RBFOX1: variants seen among roughly 807,000 people sequenced by gnomAD.
RBFOX1 encodes RNA binding fox-1 homolog 1, also known as RNA binding protein fox-1 homolog 1.
In RBFOX1, 8 loss-of-function variants were observed where a neutral mutation model predicts 57.7. The ratio of observed to expected loss-of-function variants is 0.14; its 90% confidence interval spans 0.08 to 0.25. RBFOX1 has a LOEUF of 0.25. Ranked by LOEUF, RBFOX1 falls within the 10% of genes least tolerant of loss-of-function variation. The pLI is 1.00. For missense variants in RBFOX1, 611 were observed against 548.5 expected, an observed-to-expected ratio of 1.11 and a Z score of -1.14; for synonymous variants, 326 against 222.4, an observed-to-expected ratio of 1.47 and a Z score of -4.15.
At chr16:5,626,292 T>A (rs546550216) in intron 3 of RBFOX1, among the ~76,000 whole-genome samples, 8 of 152,192 alleles carry the variant, frequency 5.3e-5, no homozygotes, top group Admixed American at 3.3e-4. Context: ...TTCTGCAGCC[T>A]CCCTCCTTGG....
chr16:5,820,691 G>A lies in RBFOX1; in HGVS notation c.319-46612G>A, dbSNP rs547745019. Among the ~76,000 whole-genome samples the A allele has an allele frequency of 2.5e-3, 382 of 152,250 alleles. 2 individuals carry two copies. Among genetic ancestry groups the A allele is most frequent in the African/African-American group, 8.8e-3 (367 of 41,546 alleles). On this transcript the variant is annotated intron_variant, in intron 3 of 19. Coordinates refer to the RBFOX1 transcript ENST00000641259. ...CTGAAGTGCGTCACAGCGTTACCCT[G>A]AATTGTTGGGACGCGACTCCAGCAG...
intron 4 of RBFOX1, among the ~76,000 whole-genome samples, chr16:7,085,115 T>TG (rs1567200736): frequency 7.3e-5 from 11 of 150,938 alleles, no homozygotes; most frequent in African/African-American, 2.7e-4. Context: ...GTGTGTGTGT[T>TG]TGTGTGTGTA....
At chr16:6,277,918 G>A (rs758029618) in intron 1 of RBFOX1, among the ~76,000 whole-genome samples, 2 of 152,138 alleles carry the variant, frequency 1.3e-5, no homozygotes, top group Non-Finnish European at 2.9e-5. Context: ...CCTCGTGTAA[G>A]CTGTCTTTCA....
At chr16:7,646,026 T>C (rs1003537333) in intron 11 of RBFOX1, among the ~76,000 whole-genome samples, 9 of 152,050 alleles carry the variant, frequency 5.9e-5, no homozygotes, top group African/African-American at 2.2e-4. Flanking sequence ...CATTTTTGTT[T>C]GGAGCTAGAA....
At chr16:7,416,746 A>G (rs2098481746) in intron 4 of RBFOX1, among the ~76,000 whole-genome samples, 1 of 152,050 alleles carries the variant, frequency 6.6e-6, no homozygotes, top group African/African-American at 2.4e-5. Flanking sequence ...TTCTTTCCAC[A>G]TATATGTGGA....
intron 2 of RBFOX1, among the ~76,000 whole-genome samples, chr16:5,537,829 C>A (rs755746318): frequency 6.6e-6 from 1 of 152,232 alleles, no homozygotes; most frequent in Non-Finnish European, 1.5e-5. Context: ...TTCTCTCAAG[C>A]TGTATATCTT....
At chr16:5,471,005 C>G in intron 2 of RBFOX1, among the ~76,000 whole-genome samples, 1 of 152,102 alleles carries the variant, frequency 6.6e-6, no homozygotes, top group East Asian at 1.9e-4. Flanking sequence ...GTGCCTGCCA[C>G]CACGCCTGGC....
intron 2 of RBFOX1, among the ~76,000 whole-genome samples, chr16:6,439,699 C>T (rs183395332): frequency 1.8e-4 from 27 of 152,250 alleles, no homozygotes; most frequent in Admixed American, 6.5e-4. Context: ...CTGTAGCCCA[C>T]AATATCTTCT....
chr16:6,474,849 C>T (rs147259846), intron 2 of RBFOX1, among the ~76,000 whole-genome samples: 109 of 152,158 alleles, frequency 7.2e-4, no homozygotes, highest in African/African-American at 2.5e-3. Flanking sequence ...AGGTATCTAC[C>T]CTGAGATAAG....
At chr16:7,039,953 T>C (rs889980762) in intron 3 of RBFOX1, among the ~76,000 whole-genome samples, 16 of 152,084 alleles carry the variant, frequency 1.1e-4, no homozygotes, top group Non-Finnish European at 1.2e-4. Flanking sequence ...TGTTTTGTTT[T>C]TCAAGATAGC....
chr16:7,486,117 CTTTTTT>C (rs61448458), intron 4 of RBFOX1, among the ~76,000 whole-genome samples: 1 of 77,302 alleles, frequency 1.3e-5, no homozygotes, highest in Non-Finnish European at 2.3e-5. Flanking sequence ...GTGTTTGTGT[CTTTTTT>C]TTTTTTTTTT....
At chr16:5,893,524 T>C (rs140796837) in intron 4 of RBFOX1, among the ~76,000 whole-genome samples, 2 of 152,290 alleles carry the variant, frequency 1.3e-5, no homozygotes, top group East Asian at 3.9e-4. Flanking sequence ...CTGTTTTATC[T>C]GGCTAGGCAT....
intron 3 of RBFOX1, among the ~76,000 whole-genome samples, chr16:5,841,156 C>T (rs1479725710): frequency 6.6e-6 from 1 of 152,146 alleles, no homozygotes; most frequent in African/African-American, 2.4e-5. Context: ...TAGATTATTG[C>T]ATGGAATCAT....
intron 3 of RBFOX1, among the ~76,000 whole-genome samples, chr16:5,855,163 C>T (rs1423837432): frequency 6.6e-6 from 1 of 152,028 alleles, no homozygotes; most frequent in Non-Finnish European, 1.5e-5. Context: ...GTATTTTCTC[C>T]CACTCCGTAG....
chr16:6,406,603 A>C (rs2093289247), intron 2 of RBFOX1, among the ~76,000 whole-genome samples: 1 of 149,256 alleles, frequency 6.7e-6, no homozygotes, highest in African/African-American at 2.5e-5. Flanking sequence ...CATTTTAAGC[A>C]CCCTATTGAT....
chr16:5,329,635 A>G lies in RBFOX1; in HGVS notation c.219+89530A>G, dbSNP rs140422766. Among the ~76,000 whole-genome samples the G allele has an allele frequency of 3.0e-3, 453 of 152,336 alleles. 5 individuals are homozygous for G. Among genetic ancestry groups the G allele is most frequent in the African/African-American group, 0.01 (421 of 41,570 alleles). ...TCTGTTTGGACTGTTATAACAAAATAACATTAATTAGTTAGCTTATAAACA... is the reference window on the plus strand; with the variant it reads ...TCTGTTTGGACTGTTATAACAAAATGACATTAATTAGTTAGCTTATAAACA... On this transcript the variant is annotated intron_variant, in intron 1 of 2. Coordinates refer to the RBFOX1 transcript ENST00000585867.
chr16:6,084,146 C>T (rs1000116674), intron 1 of RBFOX1, among the ~76,000 whole-genome samples: 19 of 152,182 alleles, frequency 1.2e-4, no homozygotes, highest in African/African-American at 4.6e-4. Context: ...TCTTAGGGCA[C>T]TCTGAGCAGT....
intron 5 of RBFOX1, among the ~76,000 whole-genome samples, chr16:7,571,291 C>T (rs1452554677): frequency 6.6e-6 from 1 of 152,150 alleles, no homozygotes; most frequent in Non-Finnish European, 1.5e-5. Context: ...TGGCCTCAGT[C>T]TTGTCTCCCT....
At chr16:6,585,263 C>G (rs1458733126) in intron 2 of RBFOX1, among the ~76,000 whole-genome samples, 1 of 152,152 alleles carries the variant, frequency 6.6e-6, no homozygotes, top group Admixed American at 6.5e-5. Context: ...AAACCTTTAT[C>G]GTCATGTAGG....
Sources: gnomAD v4.1 joint callset for allele counts (sites outside exome capture counted in the v4.1 genomes callset) on GRCh38, gnomAD v4.1.1 for gene constraint, MANE v1.5 for transcripts, NCBI Gene and HGNC (gene_info 2026-07-23, HGNC 2026-07-21) for gene names.